Variants in GON4L observed in about 807,000 individuals in gnomAD.
GON4L encodes the protein gon-4 like.
A neutral mutation model predicts 211.8 loss-of-function variants in GON4L; 87 were observed. The observed-to-expected ratio is 0.41, with a 90% CI of 0.35 to 0.49. The LOEUF (loss-of-function observed/expected upper bound fraction) is 0.49. Among genes scored for constraint, GON4L ranks in the 20% least tolerant of loss-of-function variants. The probability of loss-of-function intolerance (pLI) is 0.15; values close to 1 mark genes in which losing one functional copy is unlikely to be tolerated. For missense variants in GON4L, 2,155 were observed against 2,659.5 expected (o/e 0.81, Z 4.17); for synonymous variants, 875 against 962.6 (o/e 0.91, Z 1.68).
chr1:155,826,483 T>C (rs970191546), intron 3 of GON4L, among the ~76,000 whole-genome samples: 1 of 151,548 alleles, frequency 6.6e-6, no homozygotes, highest in East Asian at 1.9e-4. Flanking sequence ...GAAGAATCAC[T>C]TGAACCCAGG....
chr1:155,812,197 G>A (rs1667854402), intron 10 of GON4L, among the ~76,000 whole-genome samples: 1 of 152,130 alleles, frequency 6.6e-6, no homozygotes, highest in Admixed American at 6.6e-5. Flanking sequence ...ACATTACAGG[G>A]ATCACGTGCC....
At chr1:155,854,174 CAG>C (rs1311956152) in intron 1 of GON4L, among the ~76,000 whole-genome samples, 3 of 152,114 alleles carry the variant, frequency 2.0e-5, no homozygotes, top group African/African-American at 7.2e-5. Flanking sequence ...GTTTTTGAGA[CAG>C]AGTCTCACTC....
chr1:155,747,109 A>G (rs1195609850), downstream of GON4L: 9 of 1,605,354 alleles, frequency 5.6e-6, no homozygotes, highest in Non-Finnish European at 7.6e-6. Flanking sequence ...CTAAATGTCG[A>G]TTTTTCTGAC....
At chr1:155,835,017 C>T (rs1262476132) in intron 2 of GON4L, among the ~76,000 whole-genome samples, 1 of 151,954 alleles carries the variant, frequency 6.6e-6, no homozygotes, top group Non-Finnish European at 1.5e-5. Flanking sequence ...ATGACAATGG[C>T]GGTTTTGTGT....
At chr1:155,817,102 GCCTCAGCCTACTAATTAGCTAGGA>G (rs1668320739) in intron 6 of GON4L, among the ~76,000 whole-genome samples, 1 of 152,006 alleles carries the variant, frequency 6.6e-6, no homozygotes, top group Admixed American at 6.6e-5. Context: ...CGATCCTCCT[GCCTCAGCCTACTAATTAGCTAGGA>G]CTACAGGCAT....
chr1:155,837,938 T>A (rs822495), intron 2 of GON4L, among the ~76,000 whole-genome samples: 131,325 of 152,112 alleles, frequency 0.86, 58,190 homozygotes, highest in East Asian at 1. Flanking sequence ...CAAGTTCACA[T>A]GAATCCTTTG....
downstream of GON4L, chr1:155,747,974 G>C (rs751966405): frequency 3.8e-6 from 6 of 1,577,902 alleles, no homozygotes; most frequent in Non-Finnish European, 4.3e-6. Context: ...TTTTCTTTAC[G>C]AGGAGGCCCA....
At chr1:155,746,913 C>T, downstream of GON4L, 1 of 1,597,434 alleles carries the variant, frequency 6.3e-7, no homozygotes, top group Non-Finnish European at 8.5e-7. Context: ...GGTGCCACAA[C>T]CTGAGGGTCT....
At chr1:155,798,161 A>T (rs1410844515) in intron 11 of GON4L, among the ~76,000 whole-genome samples, 1 of 149,682 alleles carries the variant, frequency 6.7e-6, no homozygotes, top group African/African-American at 2.4e-5. Context: ...TTTAAAATTC[A>T]CAATCACTGA....
chr1:155,770,969 A>C, intron 19 of GON4L, 98 bp downstream of exon 19: 2 of 1,533,924 alleles, frequency 1.3e-6, no homozygotes, highest in Non-Finnish European at 1.8e-6. Context: ...AATTAGCTTT[A>C]GATAAAAGAA....
At chr1:155,845,525 T>C in intron 2 of GON4L, 1 of 329,934 alleles carries the variant, frequency 3.0e-6, no homozygotes, top group East Asian at 8.0e-5. Flanking sequence ...ACTTGATGTA[T>C]CCAGCAGTTT....
chr1:155,840,894 G>A (rs1670710112), intron 2 of GON4L, among the ~76,000 whole-genome samples: 1 of 152,146 alleles, frequency 6.6e-6, no homozygotes, highest in African/African-American at 2.4e-5. Context: ...AATTAGCTGG[G>A]CGTGGTAGTA....
intron 10 of GON4L, among the ~76,000 whole-genome samples, chr1:155,810,902 T>C (rs1415421707): frequency 6.6e-6 from 1 of 151,932 alleles, no homozygotes; most frequent in Non-Finnish European, 1.5e-5. Flanking sequence ...TGGTCCCAGC[T>C]ACTCAGGAGG....
intron 16 of GON4L, 21 bp downstream of exon 16, chr1:155,776,372 GTT>G: frequency 6.8e-7 from 1 of 1,465,248 alleles, no homozygotes; most frequent in East Asian, 2.3e-5. Context: ...AGTCTTTAGA[GTT>G]ATGGATATTT....
At chr1:155,814,485 C>T in intron 8 of GON4L, 36 bp from the exon 9 acceptor site, 2 of 1,604,688 alleles carry the variant, frequency 1.2e-6, no homozygotes, top group Non-Finnish European at 1.7e-6. Flanking sequence ...AATATTTATG[C>T]CCCTACCTCA....
At chr1:155,767,140 G>T (rs1246214908) in intron 20 of GON4L, 8 of 707,926 alleles carry the variant, frequency 1.1e-5, no homozygotes, top group Admixed American at 3.0e-5. Context: ...TTTCCAAGAA[G>T]GGTCTCTCTG....
At chr1:155,766,779 C>G (rs988473366) in intron 20 of GON4L, 70 bp from the exon 21 acceptor site, 2 of 1,603,842 alleles carry the variant, frequency 1.2e-6, no homozygotes, top group Non-Finnish European at 1.7e-6. Context: ...GGCACAGTGG[C>G]TCACGCCTGT....
intron 2 of GON4L, among the ~76,000 whole-genome samples, chr1:155,838,864 A>C (rs747555943): frequency 8.6e-5 from 13 of 151,626 alleles, no homozygotes; most frequent in Non-Finnish European, 1.5e-4. Flanking sequence ...TGTATAATTT[A>C]AAATCTTAAA....
intron 17 of GON4L, among the ~76,000 whole-genome samples, chr1:155,773,754 C>T (rs187656695): frequency 9.3e-4 from 141 of 152,306 alleles, no homozygotes; most frequent in Non-Finnish European, 1.8e-3. Flanking sequence ...CTCTCCCTCT[C>T]TCAGCCTCTC....
Sources: allele counts gnomAD v4.1 joint callset (sites outside exome capture counted in the v4.1 genomes callset), GRCh38; gene constraint gnomAD v4.1.1; transcripts MANE v1.5; gene names NCBI Gene and HGNC (gene_info 2026-07-23, HGNC 2026-07-21).